Variants in PSMD14 observed in about 807,000 individuals in gnomAD.
PSMD14 encodes proteasome 26S subunit, non-ATPase 14.
Under a neutral mutation model 41.2 loss-of-function variants are expected in PSMD14, and 7 were observed. The ratio of observed to expected loss-of-function variants is 0.17; its 90% CI spans 0.10 to 0.32. PSMD14 has a LOEUF of 0.32. Ranked by LOEUF, PSMD14 falls within the 10% of genes least tolerant of loss-of-function variation. The pLI is 1.00. For missense variants in PSMD14, 139 were observed against 375.6 expected, an observed-to-expected ratio of 0.37 and a Z score of 5.21; for synonymous variants, 114 against 122.3, an observed-to-expected ratio of 0.93 and a Z score of 0.45.
chr2:161,371,037 T>A, intron 6 of PSMD14, 135 bp from the exon 7 acceptor site: 3 of 972,650 alleles, frequency 3.1e-6, no homozygotes, highest in Non-Finnish European at 4.5e-6. Flanking sequence ...TTTCAGGGTT[T>A]CTAATGGTGC....
At chr2:161,348,695 A>G (rs1683078415) in intron 3 of PSMD14, among the ~76,000 whole-genome samples, 2 of 152,200 alleles carry the variant, frequency 1.3e-5, no homozygotes, top group Non-Finnish European at 2.9e-5. Context: ...GTATAAAGAA[A>G]TGCACGATCA....
intron 9 of PSMD14, among the ~76,000 whole-genome samples, chr2:161,393,826 A>G (rs1053199729): frequency 6.6e-6 from 1 of 152,124 alleles, no homozygotes; most frequent in African/African-American, 2.4e-5. Flanking sequence ...GTCTTAAAAT[A>G]TAAACTTGAA....
chr2:161,376,104 T>C (rs538316604), intron 7 of PSMD14, among the ~76,000 whole-genome samples: 175 of 148,500 alleles, frequency 1.2e-3, no homozygotes, highest in African/African-American at 3.8e-3. Flanking sequence ...TGTATATATA[T>C]ACATATATAT....
At chr2:161,312,536 A>G (rs1405072568) in intron 1 of PSMD14, among the ~76,000 whole-genome samples, 1 of 152,260 alleles carries the variant, frequency 6.6e-6, no homozygotes, top group African/African-American at 2.4e-5. Context: ...GTGGAAAGTA[A>G]TCAACTTTTG....
At chr2:161,311,625 C>CTTT (rs34635738) in intron 1 of PSMD14, among the ~76,000 whole-genome samples, 39 of 58,566 alleles carry the variant, frequency 6.7e-4, no homozygotes, top group East Asian at 1.5e-3. Context: ...CTCACTCTTC[C>CTTT]TTTTTTTTTT....
At chr2:161,310,384 A>G (rs772315749) in intron 1 of PSMD14, among the ~76,000 whole-genome samples, 9 of 152,200 alleles carry the variant, frequency 5.9e-5, no homozygotes, top group Non-Finnish European at 1.0e-4. Context: ...TCAATTTTGT[A>G]GTAACGTTCA....
chr2:161,310,694 C>T (rs1380359335), intron 1 of PSMD14, among the ~76,000 whole-genome samples: 1 of 152,182 alleles, frequency 6.6e-6, no homozygotes, highest in African/African-American at 2.4e-5. Flanking sequence ...AACAGACTTG[C>T]AAAGTAGATG....
chr2:161,405,121 C>T (rs1180784788), intron 10 of PSMD14, among the ~76,000 whole-genome samples: 1 of 152,162 alleles, frequency 6.6e-6, no homozygotes, highest in Non-Finnish European at 1.5e-5. Flanking sequence ...TTATAACTGA[C>T]ACTCATTTTT....
chr2:161,361,668 A>G (rs1683291052), intron 3 of PSMD14, among the ~76,000 whole-genome samples: 1 of 152,224 alleles, frequency 6.6e-6, no homozygotes. Context: ...TGAACAATTA[A>G]TCTAGAAGTA....
chr2:161,387,007 G>T (rs1414238686), intron 8 of PSMD14, among the ~76,000 whole-genome samples: 1 of 151,854 alleles, frequency 6.6e-6, no homozygotes, highest in Non-Finnish European at 1.5e-5. Flanking sequence ...TATAAAGCAG[G>T]TTCCAAACCT....
intron 1 of PSMD14, among the ~76,000 whole-genome samples, chr2:161,314,886 T>C (rs1689130728): frequency 6.6e-6 from 1 of 152,238 alleles, no homozygotes; most frequent in South Asian, 2.1e-4. Flanking sequence ...CATGAACTTA[T>C]TTTGAGTATT....
At chr2:161,406,509 T>C (rs1683949278) in intron 10 of PSMD14, among the ~76,000 whole-genome samples, 1 of 152,294 alleles carries the variant, frequency 6.6e-6, no homozygotes, top group South Asian at 2.1e-4. Flanking sequence ...TGCAATCATT[T>C]CTTACGTTTT....
chr2:161,316,132 C>A (rs1689145644), intron 1 of PSMD14, among the ~76,000 whole-genome samples: 1 of 152,224 alleles, frequency 6.6e-6, no homozygotes, highest in African/African-American at 2.4e-5. Flanking sequence ...GCGTGAGCCA[C>A]TGCGCCCAGC....
chr2:161,395,534 T>G (rs1204707226), intron 10 of PSMD14, among the ~76,000 whole-genome samples: 1 of 152,166 alleles, frequency 6.6e-6, no homozygotes, highest in Non-Finnish European at 1.5e-5. Flanking sequence ...ATTTAGGGTA[T>G]TTTTTTCTTG....
intron 7 of PSMD14, among the ~76,000 whole-genome samples, chr2:161,374,323 A>T (rs76063526): frequency 0.066 from 10,045 of 152,030 alleles, 453 homozygotes; most frequent in East Asian, 0.15. Flanking sequence ...TTGATTTTTT[A>T]AAATGTGTTG....
chr2:161,311,176 G>C (rs879338704), intron 1 of PSMD14, among the ~76,000 whole-genome samples: 1 of 152,102 alleles, frequency 6.6e-6, no homozygotes, highest in Non-Finnish European at 1.5e-5. Flanking sequence ...GGGCATGGGG[G>C]CGTGTGCCTG....
At chr2:161,385,284 T>C (rs1048086616) in intron 7 of PSMD14, 180 bp from the exon 8 acceptor site, 7 of 382,248 alleles carry the variant, frequency 1.8e-5, no homozygotes, top group African/African-American at 8.3e-5. Context: ...CATTACAAGA[T>C]AGAGGGTGGT....
At chr2:161,398,420 A>C (rs541795014) in intron 10 of PSMD14, among the ~76,000 whole-genome samples, 2 of 152,208 alleles carry the variant, frequency 1.3e-5, no homozygotes, top group Admixed American at 1.3e-4. Flanking sequence ...TCTGAATTCC[A>C]CACAAATTCT....
intron 7 of PSMD14, among the ~76,000 whole-genome samples, chr2:161,376,013 G>A (rs1308979619): frequency 6.6e-6 from 1 of 151,368 alleles, no homozygotes; most frequent in Non-Finnish European, 1.5e-5. Context: ...ATATTAGAAA[G>A]TTTTAAGATG....
Sources: gnomAD v4.1 joint callset for allele counts (sites outside exome capture counted in the v4.1 genomes callset) on GRCh38, gnomAD v4.1.1 for gene constraint, MANE v1.5 for transcripts, NCBI Gene and HGNC (gene_info 2026-07-23, HGNC 2026-07-21) for gene names.